NALF1: variants seen among roughly 807,000 people sequenced by gnomAD.
The protein encoded by NALF1 is family with sequence similarity 155 member A.
Under a neutral mutation model 48.4 loss-of-function variants are expected in NALF1, and 3 were observed. The ratio of observed to expected loss-of-function variants is 0.06; its 90% CI spans 0.03 to 0.16. The LOEUF (loss-of-function observed/expected upper bound fraction) is 0.16. Among genes scored for constraint, NALF1 ranks in the 10% least tolerant of loss-of-function variants. The probability of loss-of-function intolerance (pLI) is 1.00; values close to 1 mark genes in which losing one functional copy is unlikely to be tolerated. For synonymous variants in NALF1, 262 were observed against 245.7 expected, an observed-to-expected ratio of 1.07 and a Z score of -0.62; for missense variants, 526 against 571.5, an observed-to-expected ratio of 0.92 and a Z score of 0.81.
At chr13:107,432,325 A>G (rs1464200412) in intron 1 of NALF1, among the ~76,000 whole-genome samples, 1 of 152,180 alleles carries the variant, frequency 6.6e-6, no homozygotes. Flanking sequence ...AACCCTGGGG[A>G]TCATATTTGA....
chr13:107,400,066 C>G (rs982720060), intron 1 of NALF1, among the ~76,000 whole-genome samples: 1 of 152,044 alleles, frequency 6.6e-6, no homozygotes, highest in Admixed American at 6.6e-5. Context: ...TAACTTAATA[C>G]TATGTTCACT....
intron 2 of NALF1, among the ~76,000 whole-genome samples, chr13:107,207,001 C>T (rs1022081297): frequency 6.6e-6 from 1 of 152,072 alleles, no homozygotes; most frequent in African/African-American, 2.4e-5. Flanking sequence ...TCCTTTAATT[C>T]TTAGTGAGAA....
intron 1 of NALF1, among the ~76,000 whole-genome samples, chr13:107,238,267 C>T (rs1442322135): frequency 6.6e-6 from 1 of 152,188 alleles, no homozygotes; most frequent in Non-Finnish European, 1.5e-5. Context: ...TTAGACAAAT[C>T]ATTTAAATTC....
chr13:107,588,818 A>C (rs1419371428), intron 1 of NALF1, among the ~76,000 whole-genome samples: 1 of 152,034 alleles, frequency 6.6e-6, no homozygotes, highest in Admixed American at 6.6e-5. Flanking sequence ...AATGCGGGGG[A>C]AAAAAGAAAG....
intron 1 of NALF1, among the ~76,000 whole-genome samples, chr13:107,746,347 C>T (rs1445405239): frequency 1.3e-5 from 2 of 152,120 alleles, no homozygotes; most frequent in Admixed American, 6.6e-5. Flanking sequence ...TAAATTAATA[C>T]ACAGGGTTTA....
intron 1 of NALF1, among the ~76,000 whole-genome samples, chr13:107,857,077 C>T (rs1484450350): frequency 6.6e-6 from 1 of 152,216 alleles, no homozygotes; most frequent in Non-Finnish European, 1.5e-5. Flanking sequence ...TGCTGTGTCT[C>T]CCTGTGTCTT....
intron 1 of NALF1, among the ~76,000 whole-genome samples, chr13:107,260,087 C>T (rs1270252316): frequency 6.6e-6 from 1 of 152,146 alleles, no homozygotes; most frequent in Non-Finnish European, 1.5e-5. Context: ...GAATCTGGGT[C>T]TTTGTACTGC....
chr13:107,699,330 T>C (rs909705006), intron 1 of NALF1, among the ~76,000 whole-genome samples: 1 of 152,040 alleles, frequency 6.6e-6, no homozygotes, highest in African/African-American at 2.4e-5. Context: ...TCTGTTTTGA[T>C]AGAGAGAAGT....
chr13:107,249,070 T>A (rs1880642352), intron 1 of NALF1, among the ~76,000 whole-genome samples: 1 of 152,058 alleles, frequency 6.6e-6, no homozygotes, highest in African/African-American at 2.4e-5. Flanking sequence ...GAACATTTCC[T>A]GATTCCAGAA....
chr13:107,292,986 C>CT (rs1454791003), intron 1 of NALF1, among the ~76,000 whole-genome samples: 2 of 70,480 alleles, frequency 2.8e-5, no homozygotes, highest in African/African-American at 8.8e-5. Context: ...TATAGTTTTT[C>CT]TTTTTCTTTT....
intron 1 of NALF1, among the ~76,000 whole-genome samples, chr13:107,376,975 T>G (rs1024073960): frequency 6.6e-6 from 1 of 152,182 alleles, no homozygotes; most frequent in Non-Finnish European, 1.5e-5. Flanking sequence ...ACTGCCTTCA[T>G]TCTCTGGCCG....
chr13:107,556,316 CACAT>C (rs1316965350), intron 1 of NALF1, among the ~76,000 whole-genome samples: 13 of 148,514 alleles, frequency 8.8e-5, no homozygotes, highest in African/African-American at 1.7e-4. Flanking sequence ...CACACACACA[CACAT>C]ATATATATAT....
chr13:107,533,801 T>C (rs1407038036), intron 1 of NALF1, among the ~76,000 whole-genome samples: 1 of 152,172 alleles, frequency 6.6e-6, no homozygotes, highest in Admixed American at 6.6e-5. Context: ...TCCAGGATCA[T>C]GTCTTCCGTT....
intron 1 of NALF1, among the ~76,000 whole-genome samples, chr13:107,587,097 C>T (rs1467095316): frequency 1.3e-5 from 2 of 151,976 alleles, no homozygotes; most frequent in Non-Finnish European, 2.9e-5. Flanking sequence ...TAGAACTGTG[C>T]CTCAGATGTC....
chr13:107,471,289 T>C (rs1594080994), intron 1 of NALF1, among the ~76,000 whole-genome samples: 1 of 151,678 alleles, frequency 6.6e-6, no homozygotes, highest in East Asian at 1.9e-4. Context: ...TGCTAATTTA[T>C]CTACCATATT....
chr13:107,698,555 A>G (rs1022536454), intron 1 of NALF1, among the ~76,000 whole-genome samples: 1 of 152,136 alleles, frequency 6.6e-6, no homozygotes, highest in African/African-American at 2.4e-5. Flanking sequence ...TTACATGTAT[A>G]TAGAATATAT....
intron 1 of NALF1, among the ~76,000 whole-genome samples, chr13:107,612,230 A>G (rs935906491): frequency 1.3e-5 from 2 of 151,900 alleles, no homozygotes; most frequent in Non-Finnish European, 2.9e-5. Context: ...AGAAGTTATT[A>G]AACTCAGAGA....
chr13:107,606,009 T>G (rs1211420766), intron 1 of NALF1, among the ~76,000 whole-genome samples: 1 of 152,206 alleles, frequency 6.6e-6, no homozygotes, highest in South Asian at 2.1e-4. Flanking sequence ...TAGCCAGATC[T>G]CCAAAAAATT....
At chr13:107,462,945 A>G (rs1382408037) in intron 1 of NALF1, among the ~76,000 whole-genome samples, 2 of 152,160 alleles carry the variant, frequency 1.3e-5, no homozygotes, top group African/African-American at 4.8e-5. Context: ...TCCAAGTCCT[A>G]TGAGTCCTTC....
Sources: allele counts gnomAD v4.1 joint callset (sites outside exome capture counted in the v4.1 genomes callset), GRCh38; gene constraint gnomAD v4.1.1; transcripts MANE v1.5; gene names NCBI Gene and HGNC (gene_info 2026-07-23, HGNC 2026-07-21).